Variants in TET2 observed in about 807,000 individuals in gnomAD.
TET2 encodes the protein tet methylcytosine dioxygenase 2, also known as methylcytosine dioxygenase TET2.
TET2 carries 299 observed loss-of-function variants against 142.9 expected under a neutral mutation model. The ratio of observed to expected loss-of-function variants is 2.09; its 90% confidence interval spans 1.90 to 2.30. The LOEUF (loss-of-function observed/expected upper bound fraction) is 2.30. TET2 is among the 30% of genes most tolerant of loss of function. The pLI, the probability that TET2 is intolerant of heterozygous loss-of-function variation, is 0.00. For missense variants in TET2, 2,418 were observed against 2,378.0 expected, an observed-to-expected ratio of 1.02 and a Z score of -0.35; for synonymous variants, 819 against 849.0, an observed-to-expected ratio of 0.96 and a Z score of 0.61.
chr4:105,259,777 T>C lies in TET2; in HGVS notation c.3954+8T>C, dbSNP rs1004758187. On this transcript the variant is annotated splice_region_variant and intron_variant, in intron 7 of 10. Transcript: ENST00000380013. ...GGGGATGACCCAAAAGAGGTTTGTT[T>C]ACTTCCTGATGTATAATCGCTTTAT... The C allele has an allele frequency of 6.5e-7, 1 of 1,549,444 alleles. No homozygotes were observed.
chr4:105,228,859 C>T (rs1341768395), intron 2 of TET2, among the ~76,000 whole-genome samples: 1 of 152,054 alleles, frequency 6.6e-6, no homozygotes, highest in African/African-American at 2.4e-5. Flanking sequence ...GACTACAAAT[C>T]AATTTTCATG....
At chr4:105,215,992 A>G (rs1727469516) in intron 2 of TET2, among the ~76,000 whole-genome samples, 1 of 152,152 alleles carries the variant, frequency 6.6e-6, no homozygotes, top group Non-Finnish European at 1.5e-5. Context: ...TACCTTTTCT[A>G]TTAAGAGATC....
At chr4:105,192,336 T>G (rs1419920205) in intron 2 of TET2, among the ~76,000 whole-genome samples, 2 of 152,192 alleles carry the variant, frequency 1.3e-5, no homozygotes, top group African/African-American at 4.8e-5. Flanking sequence ...TACAGTTGGA[T>G]AAGCTCAGCC....
In TET2 at chr4:105,190,464, T is replaced by C. The variant is rs539491821; in HGVS notation, c.-88T>C. 58 of 702,080 alleles carry C rather than the reference T, an allele frequency of 8.3e-5. No individual in the cohort carries two copies. The highest frequency in any genetic ancestry group is 6.1e-4 in the African/African-American group (35 of 57,326). 43.5% of individuals were successfully genotyped at this position (702,080 alleles called of 1,614,324 possible). On this transcript the variant is annotated 5_prime_UTR_variant, in exon 2 of 11. Transcript: ENST00000380013. Reference sequence around the variant, plus strand: ...AGGAGATGGGCTCAGCAGCAGCCAATAGGACATGATCCAGGAAGAGCAGTA... The same window carrying C: ...AGGAGATGGGCTCAGCAGCAGCCAACAGGACATGATCCAGGAAGAGCAGTA...
At chr4:105,173,391 G>A (rs928625357) in intron 1 of TET2, among the ~76,000 whole-genome samples, 7 of 149,960 alleles carry the variant, frequency 4.7e-5, no homozygotes, top group East Asian at 3.9e-4. Context: ...AAACTAGCCC[G>A]GCATGGTGGT....
intron 2 of TET2, among the ~76,000 whole-genome samples, chr4:105,222,231 G>A (rs1283763626): frequency 6.6e-6 from 1 of 152,228 alleles, no homozygotes; most frequent in Non-Finnish European, 1.5e-5. Flanking sequence ...TATAAACCCA[G>A]TAATGGGATG....
rs749148733 is a variant in TET2 at position 105,234,591 on chromosome 4, TC to T, written c.651del (p.Val218TrpfsTer32). The T allele has an allele frequency of 5.6e-6, 9 of 1,614,102 alleles. No homozygotes were observed. Among genetic ancestry groups the T allele is most frequent in the South Asian group, 1.1e-5 (1 of 91,080 alleles). ...TAATGGTGCTACAGTTTCTGCCTCT[TC>T]CGTGGAACACACACATGGTGAACTC... ...MPNGATVSAS[S>X]VEHTHGELLE... On this transcript the variant is annotated frameshift_variant, in exon 3 of 11. Transcript: ENST00000380013. LOFTEE classifies it high-confidence loss of function.
chr4:105,209,049 G>GTGTATATATA (rs71584291), intron 2 of TET2, among the ~76,000 whole-genome samples: 7 of 44,354 alleles, frequency 1.6e-4, no homozygotes, highest in Non-Finnish European at 5.8e-4. Context: ...TCAAGGCATG[G>GTGTATATATA]TATATATATA....
chr4:105,222,409 A>G (rs1017653540), intron 2 of TET2, among the ~76,000 whole-genome samples: 1 of 152,202 alleles, frequency 6.6e-6, no homozygotes, highest in African/African-American at 2.4e-5. Context: ...TCGCCATTCT[A>G]ACTGGTGTGA....
At chr4:105,225,843 A>C (rs1728161556) in intron 2 of TET2, among the ~76,000 whole-genome samples, 1 of 152,186 alleles carries the variant, frequency 6.6e-6, no homozygotes, top group Non-Finnish European at 1.5e-5. Flanking sequence ...ATCATCCTCA[A>C]ATATTCTAGA....
chr4:105,229,909 G>GTAT (rs777244002), intron 2 of TET2, among the ~76,000 whole-genome samples: 26 of 151,908 alleles, frequency 1.7e-4, no homozygotes, highest in Admixed American at 5.2e-4. Flanking sequence ...TAGCTACATG[G>GTAT]TATTATATTG....
At chr4:105,162,340 T>C (rs1723897774) in intron 1 of TET2, among the ~76,000 whole-genome samples, 1 of 151,912 alleles carries the variant, frequency 6.6e-6, no homozygotes, top group Admixed American at 6.6e-5. Flanking sequence ...GGAGAAAGAG[T>C]GGTGTCTATC....
chr4:105,232,814 C>G (rs762821397), intron 2 of TET2, among the ~76,000 whole-genome samples: 10 of 152,142 alleles, frequency 6.6e-5, no homozygotes, highest in Non-Finnish European at 1.3e-4. Flanking sequence ...TAGAGAAAAA[C>G]ATAGAATCAC....
chr4:105,232,743 AT>A (rs1003642574), intron 2 of TET2, among the ~76,000 whole-genome samples: 5 of 152,246 alleles, frequency 3.3e-5, no homozygotes, highest in African/African-American at 1.2e-4. Flanking sequence ...AACAGCCTGT[AT>A]GCGGGGGGAA....
intron 2 of TET2, among the ~76,000 whole-genome samples, chr4:105,227,886 T>G (rs1344260757): frequency 1.3e-5 from 2 of 152,182 alleles, no homozygotes; most frequent in Non-Finnish European, 2.9e-5. Flanking sequence ...AATTCATCTT[T>G]GAAGATTTTT....
At chr4:105,269,783 G>C (rs2110301336) in intron 9 of TET2, 36 bp downstream of exon 9, 1 of 1,549,080 alleles carries the variant, frequency 6.5e-7, no homozygotes, top group Non-Finnish European at 8.7e-7. Flanking sequence ...CAGCTGTTGA[G>C]TCTGTTCTCA....
rs543960741 is a variant in TET2 at position 105,243,589 on chromosome 4, G to C, written c.3614G>C (p.Ser1205Thr). 6.4e-7 allele frequency: 1 copy of C among 1,551,626 alleles called. No homozygotes were observed. The highest frequency in any genetic ancestry group is 1.2e-5 in the South Asian group (1 of 84,054). Residue 1205 changes from serine (S) to threonine (T), a missense_variant, in exon 6 of 11, where the codon AGT (serine) becomes ACT (threonine). Physicochemically the swap from Ser to Thr is moderately conservative, Grantham distance 58 (BLOSUM62 1). Transcript: ENST00000380013. ...IAKWVVRRSSSEEKLLCLVRE... is the reference protein window; with the variant it reads ...IAKWVVRRSSTEEKLLCLVRE... ...ACGCAGGTGGTTCGCAGAAGCAGCA[G>C]TGAAGAGAAGCTACTGTGTTTGGTG...
chr4:105,159,737 T>C (rs1723748500), intron 1 of TET2, among the ~76,000 whole-genome samples: 2 of 152,306 alleles, frequency 1.3e-5, no homozygotes, highest in Middle Eastern at 3.4e-3. Context: ...AATTACATCT[T>C]GGCCAGGATG....
At chr4:105,172,461 G>A (rs1724526520) in intron 1 of TET2, 1 of 152,134 alleles carries the variant, frequency 6.6e-6, no homozygotes, top group Non-Finnish European at 1.5e-5. Context: ...TTCATCCTTT[G>A]TTGTCTTCAC....
Sources: allele counts gnomAD v4.1 joint callset (sites outside exome capture counted in the v4.1 genomes callset), GRCh38; gene constraint gnomAD v4.1.1; transcripts MANE v1.5; gene names NCBI Gene and HGNC (gene_info 2026-07-23, HGNC 2026-07-21).